Variants in SUMF1 observed in about 807,000 individuals in gnomAD.
The protein encoded by SUMF1 is sulfatase modifying factor 1.
Under a neutral mutation model 47.6 loss-of-function variants are expected in SUMF1, and 48 were observed. That is an observed-to-expected ratio of 1.01 (90% CI 0.80 to 1.28). The LOEUF (loss-of-function observed/expected upper bound fraction) is 1.28. SUMF1 is among the 50% of genes most tolerant of loss of function. The pLI is 0.00. For synonymous variants in SUMF1, 230 were observed against 192.1 expected, an observed-to-expected ratio of 1.20 and a Z score of -1.63; for missense variants, 571 against 485.4, an observed-to-expected ratio of 1.18 and a Z score of -1.66.
chr3:4,367,491 AG>A (rs1428270027), intron 8 of SUMF1, among the ~76,000 whole-genome samples: 1 of 151,942 alleles, frequency 6.6e-6, no homozygotes, highest in Non-Finnish European at 1.5e-5. Flanking sequence ...ACTACTTTAA[AG>A]TTCATATGGA....
intron 8 of SUMF1, among the ~76,000 whole-genome samples, chr3:4,210,330 G>T (rs1431052635): frequency 2.6e-5 from 4 of 152,028 alleles, no homozygotes; most frequent in Admixed American, 2.0e-4. Flanking sequence ...ACCTAGAAAA[G>T]CCAATACAAT....
At chr3:4,132,630 G>A (rs569557192) in intron 8 of SUMF1, among the ~76,000 whole-genome samples, 27 of 152,174 alleles carry the variant, frequency 1.8e-4, no homozygotes, top group Admixed American at 2.6e-4. Flanking sequence ...TGGCCTAGAC[G>A]TCTTAGTTCC....
At chr3:4,428,875 A>G (rs1702148610) in intron 3 of SUMF1, among the ~76,000 whole-genome samples, 1 of 152,174 alleles carries the variant, frequency 6.6e-6, no homozygotes. Context: ...GTAAGCATAC[A>G]CATTTTTACA....
chr3:4,101,034 A>G (rs1402773444), intron 8 of SUMF1, among the ~76,000 whole-genome samples: 1 of 152,084 alleles, frequency 6.6e-6, no homozygotes, highest in Non-Finnish European at 1.5e-5. Flanking sequence ...AAGAAAAGGG[A>G]ACTTTTATAC....
At position 4,457,082 on chromosome 3, in the gene SUMF1, GTATA is replaced by G. The variant is rs912919625; in HGVS notation, c.271-4037_271-4034del. Among the ~76,000 whole-genome samples, 23 of 120,572 alleles carry G rather than the reference GTATA, an allele frequency of 1.9e-4. 2 individuals carry two copies. Among genetic ancestry groups the G allele is most frequent in the Non-Finnish European group, 3.8e-4 (19 of 50,400 alleles). The allele number at this position is 120,572 out of a possible 152,430, so 79.1% of individuals were successfully genotyped here. On this transcript the variant is annotated intron_variant, in intron 1 of 8. Transcript: ENST00000272902. ...TGTATATATATATATATACGTGTGT[GTATA>G]TATATATATTTTTTTTGTTTTGTTT...
chr3:4,384,925 G>A (rs1575159710), intron 7 of SUMF1, among the ~76,000 whole-genome samples: 1 of 149,466 alleles, frequency 6.7e-6, no homozygotes, highest in African/African-American at 2.5e-5. Flanking sequence ...TCGCTCTGTC[G>A]CCCAGGCTGG....
intron 8 of SUMF1, among the ~76,000 whole-genome samples, chr3:4,167,853 C>A (rs1279232212): frequency 6.6e-6 from 1 of 152,164 alleles, no homozygotes. Context: ...GAAGATAGAG[C>A]AGGCATCTCT....
chr3:4,452,763 C>G (rs369078377), intron 2 of SUMF1, 113 bp downstream of exon 2: 14 of 1,256,156 alleles, frequency 1.1e-5, no homozygotes, highest in Admixed American at 1.7e-5. Flanking sequence ...ATGCTTCACA[C>G]AGTTCTGCCA....
intron 8 of SUMF1, among the ~76,000 whole-genome samples, chr3:4,152,739 C>A (rs550322910): frequency 2.0e-5 from 3 of 151,664 alleles, no homozygotes; most frequent in African/African-American, 7.3e-5. Flanking sequence ...CCAAGGCTGT[C>A]CTGAGGCTAG....
intron 9 of SUMF1, among the ~76,000 whole-genome samples, chr3:4,057,264 T>A (rs1396672324): frequency 6.6e-6 from 1 of 152,102 alleles, no homozygotes; most frequent in East Asian, 1.9e-4. Context: ...AGGAGTCTGA[T>A]GGGCCAATCC....
chr3:4,288,202 C>A (rs1376322405), intron 8 of SUMF1, among the ~76,000 whole-genome samples: 3 of 152,228 alleles, frequency 2.0e-5, no homozygotes, highest in South Asian at 2.1e-4. Context: ...TACATAGATA[C>A]CAGTTTCCTA....
intron 8 of SUMF1, among the ~76,000 whole-genome samples, chr3:4,285,340 C>T (rs943467803): frequency 2.0e-5 from 3 of 152,068 alleles, no homozygotes; most frequent in African/African-American, 7.2e-5. Flanking sequence ...GAAGAGTCTA[C>T]TCAAAATAAT....
intron 8 of SUMF1, among the ~76,000 whole-genome samples, chr3:4,341,412 C>T (rs1276053655): frequency 1.3e-5 from 2 of 152,046 alleles, no homozygotes; most frequent in Non-Finnish European, 2.9e-5. Context: ...CAGGCTTTAA[C>T]TTGTAAGATT....
Position 4,074,018 on chromosome 3 carries a change from C to G in SUMF1, c.1015-5273G>C, listed in dbSNP as rs570892202. On this transcript the variant is annotated intron_variant and NMD_transcript_variant, in intron 8 of 12. Coordinates refer to the SUMF1 transcript ENST00000448413. ...TAGACATCTACCAAACTCTCCACCC[C>G]AAATCAACAGAATATACATTCTTCT... 7.9e-5 allele frequency among the ~76,000 whole-genome samples: 12 copies of G among 152,028 alleles called. No individual in the cohort carries two copies. In the South Asian group the frequency reaches 2.5e-3, roughly 32 times the overall value.
chr3:4,456,063 T>C (rs1703150483), intron 1 of SUMF1, among the ~76,000 whole-genome samples: 1 of 152,194 alleles, frequency 6.6e-6, no homozygotes, highest in Non-Finnish European at 1.5e-5. Flanking sequence ...CAAAGGATGA[T>C]TCAACATATG....
At chr3:4,466,207 G>A (rs1309724121) in intron 1 of SUMF1, among the ~76,000 whole-genome samples, 2 of 152,266 alleles carry the variant, frequency 1.3e-5, no homozygotes, top group Middle Eastern at 3.4e-3. Flanking sequence ...CGCCTCCCGG[G>A]TTCCAGCAAT....
rs1447561932 is a variant in SUMF1 at position 4,312,942 on chromosome 3, C to T, written c.1014+63388G>A. 21 of 1,613,500 alleles carry T rather than the reference C, an allele frequency of 1.3e-5. No homozygotes were observed. The Admixed American group carries it at 1.7e-4, about 13-fold the overall frequency. On this transcript the variant is annotated intron_variant and NMD_transcript_variant, in intron 8 of 12. Transcript: ENST00000448413. ...TTGGACCTGGAGCAGACATTGATCC[C>T]ACTCAAATAACCTTTCCCGGATGCA...
At chr3:4,369,895 G>A (rs1373787462) in intron 8 of SUMF1, among the ~76,000 whole-genome samples, 1 of 152,156 alleles carries the variant, frequency 6.6e-6, no homozygotes, top group Non-Finnish European at 1.5e-5. Flanking sequence ...TCATATCAGG[G>A]CATGGTTTAA....
intron 9 of SUMF1, among the ~76,000 whole-genome samples, chr3:4,040,322 A>G (rs1694886193): frequency 6.6e-6 from 1 of 152,286 alleles, no homozygotes; most frequent in East Asian, 1.9e-4. Context: ...CTACTTTTCT[A>G]GGCCTATTGC....
Sources: gnomAD v4.1 joint callset for allele counts (sites outside exome capture counted in the v4.1 genomes callset) on GRCh38, gnomAD v4.1.1 for gene constraint, MANE v1.5 for transcripts, NCBI Gene and HGNC (gene_info 2026-07-23, HGNC 2026-07-21) for gene names.